SCOC: variants seen among roughly 807,000 people sequenced by gnomAD.
SCOC encodes the protein short coiled coil protein.
Under a neutral mutation model 9.9 loss-of-function variants are expected in SCOC, and 7 were observed. The ratio of observed to expected loss-of-function variants is 0.71; its 90% CI spans 0.40 to 1.33. The LOEUF (loss-of-function observed/expected upper bound fraction) is 1.33. SCOC is among the 40% of genes most tolerant of loss of function. The pLI, the probability that SCOC is intolerant of heterozygous loss-of-function variation, is 0.01. For missense variants in SCOC, 66 were observed against 89.7 expected (o/e 0.74, Z 1.07); for synonymous variants, 19 against 28.2 (o/e 0.67, Z 1.03).
intron 2 of SCOC, among the ~76,000 whole-genome samples, chr4:140,359,351 T>C (rs1292094674): frequency 6.6e-6 from 1 of 152,062 alleles, no homozygotes; most frequent in African/African-American, 2.4e-5. Context: ...CTCTTCAGTA[T>C]AGTGGTTTGG....
chr4:140,345,619 G>T (rs1726702529), intron 2 of SCOC, among the ~76,000 whole-genome samples: 1 of 152,082 alleles, frequency 6.6e-6, no homozygotes, highest in Admixed American at 6.5e-5. Context: ...TTCAAATTGT[G>T]GAATCCTTGC....
chr4:140,288,338 T>C (rs1731359810), intron 1 of SCOC, among the ~76,000 whole-genome samples: 1 of 152,034 alleles, frequency 6.6e-6, no homozygotes, highest in East Asian at 1.9e-4. Context: ...AAATATTACA[T>C]GTCACACAAA....
At chr4:140,330,323 C>A (rs1270436597) in intron 1 of SCOC, among the ~76,000 whole-genome samples, 1 of 152,138 alleles carries the variant, frequency 6.6e-6, no homozygotes, top group African/African-American at 2.4e-5. Context: ...GTACAGTGTA[C>A]ACGGCTGGGG....
intron 2 of SCOC, among the ~76,000 whole-genome samples, chr4:140,348,575 T>TATACACACACAC (rs1553939621): frequency 5.3e-5 from 8 of 150,980 alleles, no homozygotes; most frequent in Admixed American, 2.0e-4. Flanking sequence ...TGTATATATA[T>TATACACACACAC]ACGCACACAC....
chr4:140,375,285 C>T (rs1175195649), intron 1 of SCOC, among the ~76,000 whole-genome samples: 1 of 152,182 alleles, frequency 6.6e-6, no homozygotes, highest in Non-Finnish European at 1.5e-5. Context: ...AAGACGATAG[C>T]AGACATTTAT....
chr4:140,340,424 C>T (rs530350521), upstream of SCOC, among the ~76,000 whole-genome samples: 12 of 151,798 alleles, frequency 7.9e-5, no homozygotes, highest in South Asian at 2.1e-4. Context: ...TGTAACAAAC[C>T]TGCACGTGGT....
At chr4:140,297,260 TGGTGACTGTGG>T (rs1386815773) in intron 1 of SCOC, among the ~76,000 whole-genome samples, 1 of 60,246 alleles carries the variant, frequency 1.7e-5, no homozygotes, top group Non-Finnish European at 3.0e-5. Context: ...GAGAGCATTC[TGGTGACTGTGG>T]GGGGGGGGGC....
intron 2 of SCOC, among the ~76,000 whole-genome samples, chr4:140,344,769 G>A (rs950044325): frequency 2.0e-5 from 3 of 152,212 alleles, no homozygotes; most frequent in African/African-American, 7.2e-5. Flanking sequence ...GGCAGTGAAG[G>A]AAACAAAGAC....
chr4:140,379,630 G>C lies in SCOC; in HGVS notation c.84G>C (p.Leu28Phe). The change falls in exon 3 of 4, where the codon TTG becomes TTC. Residue 28 changes from leucine (L) to phenylalanine (F), a missense_variant. Leu to Phe is a conservative substitution (Grantham distance 22). Coordinates refer to ENST00000608372, the MANE Select transcript of SCOC (RefSeq NM_001153484.2). ...AAACAAGACTTATTAATCAAGTGTTGGAACTCCAACACACACTTGAAGGTT... is the reference window on the plus strand; with the variant it reads ...AAACAAGACTTATTAATCAAGTGTTCGAACTCCAACACACACTTGAAGGTT... ...EEKTRLINQV[L>F]ELQHTLEDLS... 15 of 1,612,016 alleles carry C rather than the reference G, an allele frequency of 9.3e-6. No homozygotes were observed. The highest frequency in any genetic ancestry group is 1.3e-5 in the Non-Finnish European group (15 of 1,179,174).
chr4:140,372,934 G>C (rs1020451407), upstream of SCOC, among the ~76,000 whole-genome samples: 1 of 152,222 alleles, frequency 6.6e-6, no homozygotes, highest in Non-Finnish European at 1.5e-5. Context: ...TCACGCTCAG[G>C]CTTCAGTTCC....
chr4:140,310,577 C>A (rs1192457326), intron 1 of SCOC, among the ~76,000 whole-genome samples: 1 of 152,224 alleles, frequency 6.6e-6, no homozygotes, highest in Non-Finnish European at 1.5e-5. Flanking sequence ...CCTTCCTTCT[C>A]CCTCGTGCAT....
rs917447022 is a variant in SCOC at position 140,381,988 on chromosome 4, T to C, written c.*884T>C. ...CACAGAGTAGATCTTTTGGGAAATATATATGAAAGTGGATTAAGTTTGACT... is the reference window on the plus strand; with the variant it reads ...CACAGAGTAGATCTTTTGGGAAATACATATGAAAGTGGATTAAGTTTGACT... On this transcript the variant is annotated 3_prime_UTR_variant, in exon 4 of 4. Transcript: ENST00000608372. The C allele has an allele frequency of 4.6e-5, 7 of 152,112 alleles. No homozygotes were observed. Among genetic ancestry groups the C allele is most frequent in the Non-Finnish European group, 7.4e-5 (5 of 68,020 alleles). The allele number at this position is 152,112 out of a possible 1,614,324, so 9.4% of individuals were successfully genotyped here. A position where few individuals can be genotyped will look rare whatever the true frequency, so the allele number is the denominator to read the frequency against.
chr4:140,282,182 A>C (rs997447472), intron 1 of SCOC, among the ~76,000 whole-genome samples: 24 of 152,254 alleles, frequency 1.6e-4, no homozygotes, highest in Admixed American at 1.3e-3. Flanking sequence ...TAGTTGTTTA[A>C]ATTTTCATAG....
intron 1 of SCOC, among the ~76,000 whole-genome samples, chr4:140,291,054 T>C (rs1166613483): frequency 1.3e-5 from 2 of 152,220 alleles, no homozygotes; most frequent in Non-Finnish European, 2.9e-5. Flanking sequence ...CTCCACACTA[T>C]ATCTTTTTTC....
At chr4:140,280,545 C>T (rs1731075400) in intron 1 of SCOC, among the ~76,000 whole-genome samples, 1 of 152,158 alleles carries the variant, frequency 6.6e-6, no homozygotes, top group Non-Finnish European at 1.5e-5. Flanking sequence ...TACCTGAGAG[C>T]CTGCTACAGA....
At chr4:140,263,445 C>A (rs950251313) in intron 1 of SCOC, among the ~76,000 whole-genome samples, 2 of 152,160 alleles carry the variant, frequency 1.3e-5, no homozygotes, top group African/African-American at 4.8e-5. Context: ...CTCCCTGAGC[C>A]ACGTGCAGAG....
At chr4:140,270,280 A>T (rs1018295199) in intron 1 of SCOC, among the ~76,000 whole-genome samples, 1 of 152,144 alleles carries the variant, frequency 6.6e-6, no homozygotes, top group African/African-American at 2.4e-5. Flanking sequence ...TATGGTACCT[A>T]AACAATACAT....
In SCOC at chr4:140,382,368, A is replaced by C. The variant is rs1290253148; in HGVS notation, c.*1264A>C. 2 of 152,646 alleles carry C rather than the reference A, an allele frequency of 1.3e-5. No homozygotes were observed. Among genetic ancestry groups the C allele is most frequent in the Non-Finnish European group, 2.9e-5 (2 of 68,030 alleles). 9.5% of individuals were successfully genotyped at this position (152,646 alleles called of 1,614,324 possible). ...TCCACTAATGTAGCTTAAGGTTATT[A>C]GATTTGGGCTTTTAATCATGGAATA... On this transcript the variant is annotated 3_prime_UTR_variant, in exon 4 of 4. Transcript: ENST00000608372.
intron 2 of SCOC, among the ~76,000 whole-genome samples, chr4:140,361,924 A>G (rs951290427): frequency 1.3e-5 from 2 of 152,110 alleles, no homozygotes; most frequent in Non-Finnish European, 2.9e-5. Flanking sequence ...ATTCTATAAT[A>G]AAGAATGAGT....
Sources: gnomAD v4.1 joint callset for allele counts (sites outside exome capture counted in the v4.1 genomes callset) on GRCh38, gnomAD v4.1.1 for gene constraint, MANE v1.5 for transcripts, NCBI Gene and HGNC (gene_info 2026-07-23, HGNC 2026-07-21) for gene names.